SGCZ: variants seen among roughly 807,000 people sequenced by gnomAD.
The protein encoded by SGCZ is zeta-sarcoglycan.
In SGCZ, 40 loss-of-function variants were observed where a neutral mutation model predicts 41.3. The observed-to-expected ratio is 0.97, with a 90% CI of 0.75 to 1.26. The LOEUF is 1.26. Ranked by LOEUF, SGCZ falls within the 50% of genes most tolerant of loss-of-function variation. The probability of loss-of-function intolerance (pLI) is 0.00; values close to 1 mark genes in which losing one functional copy is unlikely to be tolerated. For synonymous variants in SGCZ, 206 were observed against 137.5 expected, an observed-to-expected ratio of 1.50 and a Z score of -3.49; for missense variants, 552 against 369.8, an observed-to-expected ratio of 1.49 and a Z score of -4.04.
chr8:14,633,039 A>G lies in SGCZ; in HGVS notation c.40-78113T>C, dbSNP rs79822244. 8.8e-3 allele frequency among the ~76,000 whole-genome samples: 1,334 copies of G among 152,094 alleles called. 19 individuals are homozygous for G. Among genetic ancestry groups the G allele is most frequent in the African/African-American group, 0.03 (1,264 of 41,534 alleles). On this transcript the variant is annotated intron_variant, in intron 1 of 7. Transcript: ENST00000382080. ...TAATCCCAAAATAGGTAGAGAAGTG[A>G]TTGAATTACATGAAATCTCTATTTA... is the stretch of plus-strand genomic sequence containing the variant.
At chr8:14,747,660 C>CACTATTATTATT (rs1799373588) in intron 1 of SGCZ, among the ~76,000 whole-genome samples, 1 of 139,500 alleles carries the variant, frequency 7.2e-6, no homozygotes, top group African/African-American at 2.7e-5. Flanking sequence ...GGGTACAAGG[C>CACTATTATTATT]ATTATTATTA....
intron 7 of SGCZ, among the ~76,000 whole-genome samples, chr8:14,094,524 C>T (rs1416161552): frequency 2.0e-5 from 3 of 152,072 alleles, no homozygotes; most frequent in Non-Finnish European, 4.4e-5. Flanking sequence ...TTTTGTTTAT[C>T]GAGTCATTCA....
chr8:15,184,644 A>G (rs1242728210), intron 1 of SGCZ, among the ~76,000 whole-genome samples: 1 of 152,044 alleles, frequency 6.6e-6, no homozygotes. Context: ...GAGGTGAGGG[A>G]AGAGAGAGCA....
intron 1 of SGCZ, among the ~76,000 whole-genome samples, chr8:14,629,981 A>G (rs924588433): frequency 6.6e-6 from 1 of 152,158 alleles, no homozygotes; most frequent in Admixed American, 6.6e-5. Flanking sequence ...GATGCTAGGT[A>G]AAATATCTGA....
At chr8:14,888,164 C>A (rs1024732319) in intron 1 of SGCZ, among the ~76,000 whole-genome samples, 2 of 151,994 alleles carry the variant, frequency 1.3e-5, no homozygotes, top group African/African-American at 4.8e-5. Flanking sequence ...TTCAAAAAAG[C>A]AATACACCAA....
intron 2 of SGCZ, among the ~76,000 whole-genome samples, chr8:14,386,683 A>G (rs1804590015): frequency 6.6e-6 from 1 of 152,192 alleles, no homozygotes; most frequent in Non-Finnish European, 1.5e-5. Flanking sequence ...AGCTTTAATC[A>G]TTATTATAGA....
intron 1 of SGCZ, among the ~76,000 whole-genome samples, chr8:14,631,416 T>C (rs1563166124): frequency 6.6e-6 from 1 of 152,088 alleles, no homozygotes; most frequent in Non-Finnish European, 1.5e-5. Flanking sequence ...AGTGGTGCCA[T>C]GTCGTAGCTT....
chr8:14,456,414 A>C (rs1451414657), intron 2 of SGCZ, among the ~76,000 whole-genome samples: 1 of 152,210 alleles, frequency 6.6e-6, no homozygotes, highest in African/African-American at 2.4e-5. Flanking sequence ...ATCTCAAAAA[A>C]TTAAAAATAA....
intron 1 of SGCZ, among the ~76,000 whole-genome samples, chr8:14,581,040 C>T (rs959356849): frequency 1.3e-5 from 2 of 152,188 alleles, no homozygotes; most frequent in African/African-American, 4.8e-5. Flanking sequence ...GAGATACTTT[C>T]CTCTAAAATA....
At chr8:14,927,193 C>G (rs1013280342) in intron 1 of SGCZ, among the ~76,000 whole-genome samples, 1 of 150,088 alleles carries the variant, frequency 6.7e-6, no homozygotes, top group Non-Finnish European at 1.5e-5. Flanking sequence ...ACTGCAAGCT[C>G]CGCCTCCGAG....
chr8:14,903,821 G>A (rs1053269185), intron 1 of SGCZ, among the ~76,000 whole-genome samples: 2 of 151,904 alleles, frequency 1.3e-5, no homozygotes, highest in African/African-American at 2.4e-5. Flanking sequence ...AAAGAAAGGA[G>A]ACATATTGCT....
chr8:15,147,222 T>C (rs1400448373), intron 1 of SGCZ, among the ~76,000 whole-genome samples: 2 of 152,098 alleles, frequency 1.3e-5, no homozygotes. Context: ...CATTCTATCA[T>C]CCTCACTCCC....
rs149590647 is a variant in SGCZ, at chr8:15,232,697, A to G, written c.39+4888T>C. ...TGTGTATATATATATATATGTGTGTATATATATACATATATATGTGTGTAT... is the reference window on the plus strand; with the variant it reads ...TGTGTATATATATATATATGTGTGTGTATATATACATATATATGTGTGTAT... On this transcript the variant is annotated intron_variant, in intron 1 of 7. Coordinates refer to ENST00000382080, the MANE Select transcript of SGCZ (RefSeq NM_139167.4). Among the ~76,000 whole-genome samples, 360 of 139,862 alleles carry G rather than the reference A, an allele frequency of 2.6e-3. 5 individuals are homozygous for G. The highest frequency in any genetic ancestry group is 8.3e-3 in the African/African-American group (320 of 38,676). The allele number at this position is 139,862 out of a possible 152,430, so 91.8% of individuals were successfully genotyped here. A position where few individuals can be genotyped will look rare whatever the true frequency, so the allele number is the denominator to read the frequency against.
intron 1 of SGCZ, among the ~76,000 whole-genome samples, chr8:14,932,888 G>A (rs1799958744): frequency 6.6e-6 from 1 of 152,002 alleles, no homozygotes. Flanking sequence ...CTAGTGGTAA[G>A]TAAGCACTAA....
Position 15,097,795 on chromosome 8 carries a change from TAC to T in SGCZ, c.39+139788_39+139789del, listed in dbSNP as rs558231950. On this transcript the variant is annotated intron_variant, in intron 1 of 7. Coordinates refer to ENST00000382080, the MANE Select transcript of SGCZ (RefSeq NM_139167.4). ...ATATATATATACGTGTATATATATA[TAC>T]GTGTATATATATATATACGTGTGTG... is the stretch of plus-strand genomic sequence containing the variant. 1.5e-3 allele frequency among the ~76,000 whole-genome samples: 205 copies of T among 135,876 alleles called. 2 individuals are homozygous for T. The highest frequency in any genetic ancestry group is 6.0e-3 in the African/African-American group (193 of 32,176). The allele number at this position is 135,876 out of a possible 152,430, so 89.1% of individuals were successfully genotyped here.
chr8:14,346,215 G>C (rs1411662128), intron 2 of SGCZ, among the ~76,000 whole-genome samples: 1 of 151,932 alleles, frequency 6.6e-6, no homozygotes. Context: ...GTTGATATAT[G>C]GGAATTGTTT....
chr8:14,727,812 TC>T (rs1810108697), intron 1 of SGCZ, among the ~76,000 whole-genome samples: 1 of 152,128 alleles, frequency 6.6e-6, no homozygotes, highest in Non-Finnish European at 1.5e-5. Context: ...CCAATAATGT[TC>T]TTTTTAGCTT....
At chr8:14,645,387 C>T (rs931928848) in intron 1 of SGCZ, among the ~76,000 whole-genome samples, 9 of 148,872 alleles carry the variant, frequency 6.0e-5, no homozygotes, top group East Asian at 4.0e-4. Flanking sequence ...CACATGCTGG[C>T]GTCCTCTAAA....
At chr8:14,138,448 GT>G (rs1803268179) in intron 5 of SGCZ, among the ~76,000 whole-genome samples, 3 of 151,422 alleles carry the variant, frequency 2.0e-5, no homozygotes, top group African/African-American at 7.3e-5. Flanking sequence ...TCCATCTCAC[GT>G]GCAGAGACAC....
Sources: allele counts gnomAD v4.1 joint callset (sites outside exome capture counted in the v4.1 genomes callset), GRCh38; gene constraint gnomAD v4.1.1; transcripts MANE v1.5; gene names NCBI Gene and HGNC (gene_info 2026-07-23, HGNC 2026-07-21).